Variants in MED4 observed in about 807,000 individuals in gnomAD.
The protein encoded by MED4 is mediator complex subunit 4, also known as mediator of RNA polymerase II transcription subunit 4.
Under a neutral mutation model 35.0 loss-of-function variants are expected in MED4, and 21 were observed. That is an observed-to-expected ratio of 0.60 (90% CI 0.43 to 0.86). The LOEUF is 0.86. Ranked by LOEUF, MED4 falls within the 40% of genes least tolerant of loss-of-function variation. The pLI, the probability that MED4 is intolerant of heterozygous loss-of-function variation, is 0.00. For missense variants in MED4, 300 were observed against 319.4 expected, an observed-to-expected ratio of 0.94 and a Z score of 0.46; for synonymous variants, 138 against 114.0, an observed-to-expected ratio of 1.21 and a Z score of -1.34.
chr13:48,080,608 A>C (rs1030940094), intron 5 of MED4, among the ~76,000 whole-genome samples: 1 of 152,112 alleles, frequency 6.6e-6, no homozygotes, highest in African/African-American at 2.4e-5. Context: ...TAATAATCTC[A>C]ATTATTCAAA....
Position 48,077,278 on chromosome 13 carries a change from T to C in MED4, c.674A>G (p.Asn225Ser), listed in dbSNP as rs749067533. Reference sequence around the variant, plus strand: ...TGGTAACATATTCATCGACATGTCATTTGACTGCCATGGATACTGTGGAGC... The same window carrying C: ...TGGTAACATATTCATCGACATGTCACTTGACTGCCATGGATACTGTGGAGC... The part of the protein sequence containing the change: ...VLAPQYPWQS[N>S]DMSMNMLPPN... The change falls in exon 7 of 7, where the codon AAT (asparagine) becomes AGT (serine). Residue 225 changes from asparagine to serine, a missense_variant. Physicochemically the swap from Asn to Ser is conservative, Grantham distance 46. Coordinates refer to ENST00000258648, the MANE Select transcript of MED4 (RefSeq NM_014166.4). 6.4e-7 allele frequency: 1 copy of C among 1,562,844 alleles called. No homozygotes were observed. The highest frequency in any genetic ancestry group is 8.6e-7 in the Non-Finnish European group (1 of 1,159,562).
intron 6 of MED4, among the ~76,000 whole-genome samples, chr13:48,078,733 A>G (rs1003768453): frequency 7.2e-5 from 11 of 152,138 alleles, no homozygotes; most frequent in Non-Finnish European, 1.3e-4. Context: ...GTGACTCCCC[A>G]TATCTGTTTT....
In MED4 at chr13:48,094,491, G is replaced by C. The variant is rs75600734; in HGVS notation, c.125+463C>G. 3.3e-5 allele frequency among the ~76,000 whole-genome samples: 5 copies of C among 152,234 alleles called. No individual in the cohort carries two copies. In the South Asian group the frequency reaches 6.2e-4, roughly 19 times the overall value. On this transcript the variant is annotated intron_variant, in intron 1 of 6. Coordinates refer to ENST00000258648, the MANE Select transcript of MED4 (RefSeq NM_014166.4). ...AGTTTGGCGAGCTCATGCTTCCCAA[G>C]CAGCACTTTCTTCAGAGGGCCTGCC...
chr13:48,082,363 T>C (rs1950815154), intron 4 of MED4, among the ~76,000 whole-genome samples: 1 of 152,170 alleles, frequency 6.6e-6, no homozygotes, highest in South Asian at 2.1e-4. Context: ...ACCACACACT[T>C]CATTTTACAA....
At chr13:48,077,357 T>C (rs1237443129) in intron 6 of MED4, 46 bp from the exon 7 acceptor site, 1 of 1,350,632 alleles carries the variant, frequency 7.4e-7, no homozygotes, top group East Asian at 2.7e-5. Flanking sequence ...TATCTGTAAT[T>C]AATCTAGTTC....
At chr13:48,087,935 A>C (rs1014664444) in intron 2 of MED4, among the ~76,000 whole-genome samples, 18 of 152,210 alleles carry the variant, frequency 1.2e-4, no homozygotes, top group African/African-American at 3.9e-4. Flanking sequence ...GAAGGCTAAA[A>C]CACATAAAAT....
chr13:48,077,299 G>A lies in MED4; in HGVS notation c.653C>T (p.Pro218Leu). The change falls in exon 7 of 7, where the codon CCA (proline) becomes CTA (leucine). Residue 218 changes from proline to leucine, a missense_variant. By Grantham distance (98) the Pro-to-Leu change is moderately conservative. Transcript: ENST00000258648. ...GTCATTTGACTGCCATGGATACTGT[G>A]GAGCAAGGACATCTGGAGAAAAAAA... ...AAGRLPDVLA[P>L]QYPWQSNDMS... 6.7e-7 allele frequency: 1 copy of A among 1,497,760 alleles called. No homozygotes were observed. The highest frequency in any genetic ancestry group is 8.9e-7 in the Non-Finnish European group (1 of 1,128,292). 92.8% of individuals were successfully genotyped at this position (1,497,760 alleles called of 1,614,324 possible).
intron 3 of MED4, among the ~76,000 whole-genome samples, chr13:48,083,742 C>A (rs970809872): frequency 1.3e-5 from 2 of 152,280 alleles, no homozygotes; most frequent in Non-Finnish European, 2.9e-5. Flanking sequence ...TATGGACGAC[C>A]CCAAAAGCAT....
chr13:48,082,225 T>A (rs1340850223), intron 4 of MED4, among the ~76,000 whole-genome samples: 1 of 152,126 alleles, frequency 6.6e-6, no homozygotes, highest in African/African-American at 2.4e-5. Flanking sequence ...ATGTACGGTA[T>A]GACCCGACTG....
chr13:48,087,423 G>T (rs1438799489), intron 2 of MED4, among the ~76,000 whole-genome samples: 1 of 152,104 alleles, frequency 6.6e-6, no homozygotes, highest in Non-Finnish European at 1.5e-5. Context: ...TATTTGAGAT[G>T]ATTTTAGGTG....
chr13:48,086,346 A>G lies in MED4; in HGVS notation c.299T>C (p.Val100Ala), dbSNP rs1301400478. 6 of 1,613,276 alleles carry G rather than the reference A, an allele frequency of 3.7e-6. No homozygotes were observed. The South Asian group carries it at 6.6e-5, about 18-fold the overall frequency. Residue 100 changes from valine (V) to alanine (A), a missense_variant, in exon 3 of 7, where the codon GTA becomes GCA. By Grantham distance (64) the Val-to-Ala change is moderately conservative. Coordinates refer to ENST00000258648, the MANE Select transcript of MED4 (RefSeq NM_014166.4). ...CTGAATATCACTGTCTCTCTTCTCT[A>G]CTTCTTTTTCTAAAACTTGCATTTC... ...HHEMQVLEKE[V>A]EKRDSDIQQL...
intron 5 of MED4, 59 bp from the exon 6 acceptor site, chr13:48,080,034 G>GTTA (rs1950793428): frequency 6.4e-7 from 1 of 1,558,288 alleles, no homozygotes; most frequent in Admixed American, 1.8e-5. Context: ...GTGTTAATAT[G>GTTA]TTATTTGACA....
At position 48,091,040 on chromosome 13, in the gene MED4, G is replaced by A. The variant is rs74862905; in HGVS notation, c.126-622C>T. Among the ~76,000 whole-genome samples the A allele has an allele frequency of 0.018, 2,735 of 152,228 alleles. 258 individuals carry two copies. The East Asian group carries it at 0.26, about 14-fold the overall frequency. Reference sequence around the variant, plus strand: ...CAAAAGTATTTATTATCTGGCCTTTGCAGAAAAAGTTTTCTGACTCCTGTC... The same window carrying A: ...CAAAAGTATTTATTATCTGGCCTTTACAGAAAAAGTTTTCTGACTCCTGTC... On this transcript the variant is annotated intron_variant, in intron 1 of 6. Coordinates refer to ENST00000258648, the MANE Select transcript of MED4 (RefSeq NM_014166.4).
intron 2 of MED4, 73 bp from the exon 3 acceptor site, chr13:48,086,525 G>C: frequency 7.3e-7 from 1 of 1,367,048 alleles, no homozygotes; most frequent in Non-Finnish European, 1.0e-6. Flanking sequence ...CAAAGAATCC[G>C]TAACTGAATT....
Position 48,077,160 on chromosome 13 carries a change from G to C in MED4, c.792C>G (p.Ser264Arg). The C allele has an allele frequency of 6.2e-7, 1 of 1,609,526 alleles. No individual in the cohort carries two copies. The highest frequency in any genetic ancestry group is 8.5e-7 in the Non-Finnish European group (1 of 1,178,372). The stretch of plus-strand genomic sequence containing the variant: ...TTTTTCAATCAGACTCACTACTACT[G>C]CTTGAGGAGTCCGTTGACATAATCT... The part of the protein sequence containing the change: ...DVEIMSTDSS[S>R]SSSESD The change falls in exon 7 of 7, where the codon AGC (serine) becomes AGG (arginine). Residue 264 changes from serine to arginine, a missense_variant. Coordinates refer to ENST00000258648, the MANE Select transcript of MED4 (RefSeq NM_014166.4).
At chr13:48,081,558 A>C (rs1950808208) in intron 5 of MED4, 87 bp downstream of exon 5, 3 of 843,418 alleles carry the variant, frequency 3.6e-6, no homozygotes, top group Non-Finnish European at 5.4e-6. Flanking sequence ...GGATAAATAC[A>C]TTTTAAATTA....
chr13:48,083,223 C>G, intron 4 of MED4, 148 bp downstream of exon 4: 3 of 561,178 alleles, frequency 5.3e-6, no homozygotes, highest in Non-Finnish European at 8.9e-6. Flanking sequence ...AAACCCAGCA[C>G]AATGCTAGAA....
rs1217199449 is a variant in MED4, at chr13:48,083,421, G to C, written c.371C>G (p.Ala124Gly). The C allele has an allele frequency of 1.2e-6, 2 of 1,612,378 alleles. No individual in the cohort carries two copies. Among genetic ancestry groups the C allele is most frequent in the Admixed American group, 1.7e-5 (1 of 59,804 alleles). Residue 124 changes from alanine (A) to glycine (G), a missense_variant, in exon 4 of 7, where the codon GCT becomes GGT. Coordinates refer to ENST00000258648, the MANE Select transcript of MED4 (RefSeq NM_014166.4). ...GAGTTTCTCCTTCGCTTGGTAAACA[G>C]CTGTTGCCTAATTTAAACAACATTT... is the stretch of plus-strand genomic sequence containing the variant. ...LKEAEQILAT[A>G]VYQAKEKLKS... is the part of the protein sequence containing the mutation.
rs1337436253 is a variant in MED4, at chr13:48,076,961, A to G, written c.*178T>C. 1 of 505,224 alleles carries G rather than the reference A, an allele frequency of 2.0e-6. No homozygotes were observed. The highest frequency in any genetic ancestry group is 3.4e-6 in the Non-Finnish European group (1 of 295,494). 31.3% of individuals were successfully genotyped at this position (505,224 alleles called of 1,614,324 possible). ...TACCTAGTGGCTTAAAACTAAAACTATGGTCTTTGGCTTTAAAAAGAAAGT... is the reference window on the plus strand; with the variant it reads ...TACCTAGTGGCTTAAAACTAAAACTGTGGTCTTTGGCTTTAAAAAGAAAGT... On this transcript the variant is annotated 3_prime_UTR_variant, in exon 7 of 7. Transcript: ENST00000258648.
Sources: allele counts gnomAD v4.1 joint callset (sites outside exome capture counted in the v4.1 genomes callset), GRCh38; gene constraint gnomAD v4.1.1; transcripts MANE v1.5; gene names NCBI Gene and HGNC (gene_info 2026-07-23, HGNC 2026-07-21).